Variants in ANK3 observed in about 807,000 individuals in gnomAD.
ANK3 encodes ankyrin 3, also known as ankyrin-3.
In ANK3, 57 loss-of-function variants were observed where a neutral mutation model predicts 370.9. The ratio of observed to expected loss-of-function variants is 0.15; its 90% confidence interval spans 0.12 to 0.19. The LOEUF (loss-of-function observed/expected upper bound fraction) is 0.19. Ranked by LOEUF, ANK3 falls within the 10% of genes least tolerant of loss-of-function variation. ANK3 has a pLI of 1.00. For missense variants in ANK3, 4,439 were observed against 5,302.1 expected (o/e 0.84, Z 5.06); for synonymous variants, 1,929 against 1,946.3 (o/e 0.99, Z 0.23).
chr10:60,230,571 T>C (rs73269489), intron 8 of ANK3, among the ~76,000 whole-genome samples: 3,655 of 152,252 alleles, frequency 0.024, 142 homozygotes, highest in African/African-American at 0.081. Flanking sequence ...GGAAAGACTT[T>C]CCTGAAATGA....
intron 39 of ANK3, among the ~76,000 whole-genome samples, chr10:60,063,723 C>T (rs2081067771): frequency 6.6e-6 from 1 of 152,120 alleles, no homozygotes; most frequent in Admixed American, 6.5e-5. Flanking sequence ...AAAACCAAAC[C>T]CAACAACAGT....
Position 60,406,158 on chromosome 10 carries a change from C to T in ANK3, c.97-126519G>A, listed in dbSNP as rs75745574. ...GGGGCTATATAGTAGATATTTTAGG[C>T]TTTCCAGACCATACATAATACCACA... On this transcript the variant is annotated intron_variant, in intron 2 of 43. Coordinates refer to the ANK3 transcript ENST00000373827. Among the ~76,000 whole-genome samples the T allele has an allele frequency of 5.9e-5, 9 of 152,308 alleles. No individual in the cohort carries two copies. The East Asian group carries it at 1.7e-3, about 29-fold the overall frequency.
rs755295688 is a variant in ANK3, at chr10:60,319,009, G to A, written c.115-39370C>T. ...GAAGAACTCTTCACTAATCAGCAGC[G>A]CCTTGCAGAGCCTAATGTACTTGGT... is the stretch of plus-strand genomic sequence containing the variant. On this transcript the variant is annotated intron_variant, in intron 1 of 43. Transcript: ENST00000280772. Among the ~76,000 whole-genome samples the A allele has an allele frequency of 4.6e-5, 7 of 152,236 alleles. No homozygotes were observed. In the South Asian group the frequency reaches 6.2e-4, roughly 14 times the overall value.
intron 1 of ANK3, among the ~76,000 whole-genome samples, chr10:60,369,929 G>T (rs758513188): frequency 6.6e-6 from 1 of 152,088 alleles, no homozygotes; most frequent in South Asian, 2.1e-4. Context: ...TAGAAAATTA[G>T]TCTCATGGAT....
At chr10:60,695,657 T>C (rs2079436320) in intron 1 of ANK3, among the ~76,000 whole-genome samples, 1 of 152,096 alleles carries the variant, frequency 6.6e-6, no homozygotes, top group Non-Finnish European at 1.5e-5. Context: ...GACTGCTGGG[T>C]ACATAATGAA....
chr10:60,497,726 T>C (rs2075695749), intron 2 of ANK3, among the ~76,000 whole-genome samples: 1 of 152,144 alleles, frequency 6.6e-6, no homozygotes, highest in Admixed American at 6.5e-5. Context: ...ATTTTAAAAA[T>C]AATGCTCAGA....
At chr10:60,496,068 G>C (rs1189587288) in intron 2 of ANK3, among the ~76,000 whole-genome samples, 2 of 151,736 alleles carry the variant, frequency 1.3e-5, no homozygotes, top group African/African-American at 4.8e-5. Context: ...ATAGTGTCTG[G>C]TATATGATGG....
rs1055450181 is a variant in ANK3, at chr10:60,073,628, T to G, written c.7253A>C (p.Gln2418Pro). Reference protein sequence around the residue: ...ESSRVNTPVSQEEDSRPSSAQ... With the variant: ...ESSRVNTPVSPEEDSRPSSAQ... Reference sequence around the variant, plus strand: ...AGAACTAGGGCGGCTATCTTCTTCTTGGGACACAGGAGTGTTTACTCTGGA... The same window carrying G: ...AGAACTAGGGCGGCTATCTTCTTCTGGGGACACAGGAGTGTTTACTCTGGA... The change falls in exon 37 of 44, where the codon CAA (glutamine) becomes CCA (proline). Residue 2418 changes from glutamine (Q) to proline (P), a missense_variant. Coordinates refer to ENST00000280772, the MANE Select transcript of ANK3 (RefSeq NM_020987.5). 3 of 1,613,814 alleles carry G rather than the reference T, an allele frequency of 1.9e-6. No homozygotes were observed. Among genetic ancestry groups the G allele is most frequent in the Non-Finnish European group, 2.5e-6 (3 of 1,179,962 alleles).
intron 2 of ANK3, among the ~76,000 whole-genome samples, chr10:60,602,194 C>T (rs915548206): frequency 3.3e-5 from 5 of 152,122 alleles, no homozygotes; most frequent in Admixed American, 6.6e-5. Context: ...ATGCAGAAGA[C>T]TTTCAGTTTG....
chr10:60,525,736 T>C (rs1169846888), intron 2 of ANK3, among the ~76,000 whole-genome samples: 1 of 152,136 alleles, frequency 6.6e-6, no homozygotes, highest in African/African-American at 2.4e-5. Flanking sequence ...ATCACTTAAC[T>C]TCCTTGCAAC....
At chr10:60,678,465 CA>C (rs2079154816) in intron 1 of ANK3, among the ~76,000 whole-genome samples, 1 of 152,034 alleles carries the variant, frequency 6.6e-6, no homozygotes, top group Non-Finnish European at 1.5e-5. Context: ...ATTATATGTA[CA>C]TAAGCAAAAT....
intron 1 of ANK3, among the ~76,000 whole-genome samples, chr10:60,342,090 T>G (rs932699251): frequency 7.9e-5 from 12 of 152,166 alleles, no homozygotes; most frequent in African/African-American, 2.9e-4. Flanking sequence ...GCATCTACTC[T>G]GTGTTCCATT....
At chr10:60,398,178 A>G (rs138672088) in intron 2 of ANK3, among the ~76,000 whole-genome samples, 117 of 152,348 alleles carry the variant, frequency 7.7e-4, no homozygotes, top group African/African-American at 2.6e-3. Context: ...GGACATTGAA[A>G]TGTGAGTTTC....
chr10:60,114,405 T>C lies in ANK3; in HGVS notation c.2842-74A>G, dbSNP rs949281151. The C allele has an allele frequency of 7.2e-6, 5 of 692,734 alleles. No individual in the cohort carries two copies. In the African/African-American group the frequency reaches 9.2e-5, roughly 13 times the overall value. 42.9% of individuals were successfully genotyped at this position (692,734 alleles called of 1,614,324 possible). A position where few individuals can be genotyped will look rare whatever the true frequency, so the allele number is the denominator to read the frequency against. ...CTGATTTCTCTACACATATAAAATA[T>C]ATTTGTATTCCTCTAATTCCAGATA... On this transcript the variant is annotated intron_variant, in intron 25 of 43. Transcript: ENST00000280772.
rs558446815 is a variant in ANK3 at position 60,669,246 on chromosome 10, C to T, written c.58-54022G>A. Among the ~76,000 whole-genome samples the T allele has an allele frequency of 4.6e-5, 7 of 152,308 alleles. No individual in the cohort carries two copies. In the East Asian group the frequency reaches 7.7e-4, roughly 17 times the overall value. On this transcript the variant is annotated intron_variant, in intron 1 of 43. Coordinates refer to the ANK3 transcript ENST00000373827. ...AATCACATTCGCTTCTGACAAATGTCGGCACAGAAGTGCAGCGCTAAATAA... is the reference window on the plus strand; with the variant it reads ...AATCACATTCGCTTCTGACAAATGTTGGCACAGAAGTGCAGCGCTAAATAA...
chr10:60,375,181 A>G (rs2060609026), intron 1 of ANK3, among the ~76,000 whole-genome samples: 1 of 152,212 alleles, frequency 6.6e-6, no homozygotes, highest in African/African-American at 2.4e-5. Flanking sequence ...CAAAGAATAC[A>G]CAGAATGCTC....
At chr10:60,481,441 C>T (rs1014727696) in intron 2 of ANK3, among the ~76,000 whole-genome samples, 1 of 151,416 alleles carries the variant, frequency 6.6e-6, no homozygotes, top group African/African-American at 2.4e-5. Context: ...TCCGTAGTTC[C>T]TATTGGCTAT....
intron 1 of ANK3, among the ~76,000 whole-genome samples, chr10:60,316,359 C>G (rs2047409896): frequency 6.6e-6 from 1 of 152,120 alleles, no homozygotes; most frequent in Admixed American, 6.5e-5. Context: ...TGTTAAAAGT[C>G]AGGTTAGGGG....
intron 26 of ANK3, among the ~76,000 whole-genome samples, chr10:60,110,960 T>C (rs1189464592): frequency 6.6e-6 from 1 of 152,166 alleles, no homozygotes; most frequent in Non-Finnish European, 1.5e-5. Context: ...GTAATTCTGA[T>C]TGGGTCTGTC....
Sources: gnomAD v4.1 joint callset for allele counts (sites outside exome capture counted in the v4.1 genomes callset) on GRCh38, gnomAD v4.1.1 for gene constraint, MANE v1.5 for transcripts, NCBI Gene and HGNC (gene_info 2026-07-23, HGNC 2026-07-21) for gene names.